The following RIPOR2 variants were observed in gnomAD, a reference collection of about 807,000 sequenced individuals.
The protein encoded by RIPOR2 is rho family-interacting cell polarization regulator 2.
In RIPOR2, 39 loss-of-function variants were observed where a neutral mutation model predicts 114.5. The ratio of observed to expected loss-of-function variants is 0.34; its 90% CI spans 0.26 to 0.44. The LOEUF (loss-of-function observed/expected upper bound fraction) is 0.44. RIPOR2 is among the 20% of genes least tolerant of loss of function. The probability of loss-of-function intolerance (pLI) is 1.00; values close to 1 mark genes in which losing one functional copy is unlikely to be tolerated. For synonymous variants in RIPOR2, 445 were observed against 484.4 expected, an observed-to-expected ratio of 0.92 and a Z score of 1.07; for missense variants, 1,007 against 1,255.1, an observed-to-expected ratio of 0.80 and a Z score of 2.99.
At chr6:24,912,157 C>T (rs1032809714) in intron 1 of RIPOR2, among the ~76,000 whole-genome samples, 39 of 152,178 alleles carry the variant, frequency 2.6e-4, no homozygotes, top group African/African-American at 8.7e-4. Flanking sequence ...CCAGAAAGAA[C>T]GCCCAAGAGC....
Position 24,935,837 on chromosome 6 carries a change from C to T in RIPOR2, c.61+1G>A. ...GCCTCCTGCCAGAAAGATGCATTTACCTTCACCAAAAACATCATCCTCTTC... is the reference window on the plus strand; with the variant it reads ...GCCTCCTGCCAGAAAGATGCATTTATCTTCACCAAAAACATCATCCTCTTC... On this transcript the variant is annotated splice_donor_variant, in intron 1 of 21. Coordinates refer to ENST00000643898, the MANE Select transcript of RIPOR2 (RefSeq NM_001286445.3). LOFTEE classifies it high-confidence loss of function. The T allele has an allele frequency of 6.5e-7, 1 of 1,534,122 alleles. No individual in the cohort carries two copies. The highest frequency in any genetic ancestry group is 8.7e-7 in the Non-Finnish European group (1 of 1,145,540).
intron 1 of RIPOR2, among the ~76,000 whole-genome samples, chr6:24,881,814 C>T (rs769404393): frequency 6.6e-6 from 1 of 151,996 alleles, no homozygotes; most frequent in African/African-American, 2.4e-5. Context: ...AATCAGCAGG[C>T]GGTTTTTGGA....
intron 1 of RIPOR2, among the ~76,000 whole-genome samples, chr6:24,879,716 C>T (rs1426132439): frequency 1.3e-5 from 2 of 152,190 alleles, no homozygotes; most frequent in Non-Finnish European, 2.9e-5. Flanking sequence ...GGTAGTTCTT[C>T]GCTACTATTC....
At chr6:24,895,607 C>T (rs1015819569) in intron 1 of RIPOR2, among the ~76,000 whole-genome samples, 6 of 152,152 alleles carry the variant, frequency 3.9e-5, no homozygotes, top group Admixed American at 3.9e-4. Flanking sequence ...TTGAAAAAGG[C>T]ATTACAAATA....
intron 8 of RIPOR2, among the ~76,000 whole-genome samples, chr6:24,860,567 T>G (rs1165015979): frequency 6.6e-6 from 1 of 152,234 alleles, no homozygotes; most frequent in Admixed American, 6.5e-5. Context: ...GACAGCCCCA[T>G]GCTTTAAGAG....
intron 1 of RIPOR2, among the ~76,000 whole-genome samples, chr6:25,000,687 T>A (rs752823892): frequency 6.6e-6 from 1 of 152,012 alleles, no homozygotes; most frequent in Non-Finnish European, 1.5e-5. Context: ...CTGCTCTTGG[T>A]GGGGCCTGGA....
At chr6:24,809,078 A>G (rs193188038) in intron 21 of RIPOR2, among the ~76,000 whole-genome samples, 32 of 152,304 alleles carry the variant, frequency 2.1e-4, no homozygotes, top group African/African-American at 7.5e-4. Flanking sequence ...TTTTTAATAC[A>G]GAGTTAAGAA....
intron 1 of RIPOR2, among the ~76,000 whole-genome samples, chr6:25,026,609 TAAGAG>T (rs1776638615): frequency 1.3e-5 from 2 of 152,218 alleles, no homozygotes; most frequent in Admixed American, 6.5e-5. Flanking sequence ...CTGTATATTT[TAAGAG>T]AAAAGAGTTT....
intron 1 of RIPOR2, among the ~76,000 whole-genome samples, chr6:24,922,632 G>A (rs1410828741): frequency 1.3e-5 from 2 of 152,008 alleles, no homozygotes; most frequent in African/African-American, 4.8e-5. Context: ...GGCCGAGGCA[G>A]ATGGATCATT....
At chr6:24,977,157 T>A (rs1430826453) in intron 1 of RIPOR2, among the ~76,000 whole-genome samples, 1 of 152,028 alleles carries the variant, frequency 6.6e-6, no homozygotes, top group Admixed American at 6.6e-5. Context: ...AGAGTTAAGT[T>A]TATGATTATG....
At chr6:24,966,507 G>C (rs1181056733) in intron 1 of RIPOR2, among the ~76,000 whole-genome samples, 1 of 152,114 alleles carries the variant, frequency 6.6e-6, no homozygotes, top group Non-Finnish European at 1.5e-5. Flanking sequence ...GGTCCCTGCC[G>C]AGTCGGGAAA....
chr6:24,875,879 G>A, intron 1 of RIPOR2, 62 bp from the exon 2 acceptor site: 3 of 1,469,350 alleles, frequency 2.0e-6, no homozygotes, highest in South Asian at 1.2e-5. Flanking sequence ...GATGCACTAA[G>A]CTTGTCAACA....
At chr6:24,834,085 GAAAA>G (rs61555802) in intron 15 of RIPOR2, among the ~76,000 whole-genome samples, 4 of 143,886 alleles carry the variant, frequency 2.8e-5, no homozygotes, top group Non-Finnish European at 6.1e-5. Flanking sequence ...GTTTTGATCA[GAAAA>G]AAAAAAAACT....
chr6:24,828,958 C>G (rs1233465336), intron 17 of RIPOR2, among the ~76,000 whole-genome samples: 1 of 152,208 alleles, frequency 6.6e-6, no homozygotes, highest in East Asian at 1.9e-4. Context: ...TTTTACACAA[C>G]AAAGTATCTG....
intron 1 of RIPOR2, among the ~76,000 whole-genome samples, chr6:24,904,213 T>C (rs2114029874): frequency 6.6e-6 from 1 of 152,286 alleles, no homozygotes; most frequent in South Asian, 2.1e-4. Context: ...AGGACAGAAG[T>C]CTAAAATGGG....
chr6:24,840,513 G>T (rs1444396871), intron 13 of RIPOR2: 11 of 1,414,740 alleles, frequency 7.8e-6, no homozygotes, highest in Non-Finnish European at 7.4e-6. Flanking sequence ...TCAAGAGGAT[G>T]CTGGGGTGGG....
intron 1 of RIPOR2, among the ~76,000 whole-genome samples, chr6:24,926,845 A>T (rs939937993): frequency 6.6e-6 from 1 of 151,908 alleles, no homozygotes; most frequent in African/African-American, 2.4e-5. Flanking sequence ...CATCATCATC[A>T]TCACCACCAA....
chr6:24,889,105 G>A (rs1581716927), intron 1 of RIPOR2, among the ~76,000 whole-genome samples: 1 of 152,170 alleles, frequency 6.6e-6, no homozygotes, highest in East Asian at 1.9e-4. Context: ...AATACATGAG[G>A]TATAAAGTGC....
chr6:24,843,573 T>G lies in RIPOR2; in HGVS notation c.1165-19A>C. ...GATTTGACTATAGATAAAAGATACC[T>G]CATTATTATTTTCAATACAAATGAT... On this transcript the variant is annotated intron_variant, in intron 12 of 21. Transcript: ENST00000643898. 1 of 1,445,704 alleles carries G rather than the reference T, an allele frequency of 6.9e-7. No homozygotes were observed. Among genetic ancestry groups the G allele is most frequent in the Non-Finnish European group, 9.2e-7 (1 of 1,082,628 alleles). 89.6% of individuals were successfully genotyped at this position (1,445,704 alleles called of 1,614,324 possible).
Sources: gnomAD v4.1 joint callset for allele counts (sites outside exome capture counted in the v4.1 genomes callset) on GRCh38, gnomAD v4.1.1 for gene constraint, MANE v1.5 for transcripts, NCBI Gene and HGNC (gene_info 2026-07-23, HGNC 2026-07-21) for gene names.